KCNN2: variants seen among roughly 807,000 people sequenced by gnomAD.
KCNN2 encodes small conductance calcium-activated potassium channel protein 2.
A neutral mutation model predicts 55.5 loss-of-function variants in KCNN2; 24 were observed. That is an observed-to-expected ratio of 0.43 (90% confidence interval 0.31 to 0.61). The LOEUF is 0.61. Ranked by LOEUF, KCNN2 falls within the 20% of genes least tolerant of loss-of-function variation. The pLI is 0.08. For missense variants in KCNN2, 754 were observed against 853.6 expected (o/e 0.88, Z 1.45); for synonymous variants, 431 against 336.1 (o/e 1.28, Z -3.09).
chr5:114,486,603 A>G (rs1459689821), intron 5 of KCNN2: 1 of 481,308 alleles, frequency 2.1e-6, no homozygotes, highest in Admixed American at 3.5e-5. Context: ...CAGCACTGGA[A>G]ACATGCCCTT....
At chr5:114,245,447 C>T (rs1429976537) in intron 2 of KCNN2, among the ~76,000 whole-genome samples, 1 of 152,164 alleles carries the variant, frequency 6.6e-6, no homozygotes, top group Non-Finnish European at 1.5e-5. Flanking sequence ...ACTGTTGTTA[C>T]TAACAAAGAA....
chr5:114,347,873 T>C (rs549020529), intron 2 of KCNN2, among the ~76,000 whole-genome samples: 1 of 152,298 alleles, frequency 6.6e-6, no homozygotes, highest in African/African-American at 2.4e-5. Context: ...GAGACAATGT[T>C]GAACTATTGG....
intron 3 of KCNN2, among the ~76,000 whole-genome samples, chr5:114,438,255 G>T (rs1760079451): frequency 6.6e-6 from 1 of 152,140 alleles, no homozygotes; most frequent in Non-Finnish European, 1.5e-5. Flanking sequence ...AAGGGAGGTT[G>T]AAAGTTTTAC....
chr5:114,085,156 T>G (rs1055319113), intron 1 of KCNN2, among the ~76,000 whole-genome samples: 16 of 151,960 alleles, frequency 1.1e-4, no homozygotes, highest in African/African-American at 3.4e-4. Context: ...TGTGTGTTCT[T>G]ACACTTTCTT....
In KCNN2 at chr5:114,362,902, G is replaced by A; in HGVS notation, c.763G>A (p.Gly255Ser). The A allele has an allele frequency of 6.3e-7, 1 of 1,593,744 alleles. No homozygotes were observed. The highest frequency in any genetic ancestry group is 8.5e-7 in the Non-Finnish European group (1 of 1,177,466). The stretch of plus-strand genomic sequence containing the variant: ...GCAGCCCCCCGCGTCTGTCGGAGGA[G>A]GTGGCGGCGCGTCCTCCCCGTCTGC... ...PLQPPASVGG[G>S]GGASSPSAAA... is the part of the protein sequence containing the mutation. Residue 255 changes from glycine (G) to serine (S), a missense_variant, in exon 1 of 8, where the codon GGT (glycine) becomes AGT (serine). By Grantham distance (56) the Gly-to-Ser change is moderately conservative (BLOSUM62 0). This residue lies in a region of KCNN2 where 381 missense variants were observed against 259.1 expected (regional missense o/e 1.47). Coordinates refer to ENST00000673685, the MANE Select transcript of KCNN2 (RefSeq NM_021614.4).
chr5:114,092,500 CTCT>C (rs1751165634), intron 1 of KCNN2, among the ~76,000 whole-genome samples: 1 of 152,152 alleles, frequency 6.6e-6, no homozygotes, highest in African/African-American at 2.4e-5. Flanking sequence ...GACAGTGGCC[CTCT>C]TCTTCTCACA....
At chr5:114,366,243 C>G (rs1757595938) in intron 2 of KCNN2, among the ~76,000 whole-genome samples, 1 of 152,136 alleles carries the variant, frequency 6.6e-6, no homozygotes, top group Non-Finnish European at 1.5e-5. Flanking sequence ...TGGAATGACT[C>G]TCCACGGCAA....
intron 2 of KCNN2, among the ~76,000 whole-genome samples, chr5:114,323,665 T>TTTTTTTTTTTTTTTG (rs1756658018): frequency 6.9e-6 from 1 of 145,978 alleles, no homozygotes; most frequent in Admixed American, 7.0e-5. Context: ...TTTTTTTTTT[T>TTTTTTTTTTTTTTTG]TTGCTGGTCG....
chr5:114,196,465 C>G (rs1682228293), intron 1 of KCNN2, among the ~76,000 whole-genome samples: 1 of 151,960 alleles, frequency 6.6e-6, no homozygotes, highest in African/African-American at 2.4e-5. Context: ...TAGTGAAATT[C>G]ACCAACAGGC....
intron 1 of KCNN2, among the ~76,000 whole-genome samples, chr5:114,077,703 A>G (rs1297710497): frequency 6.6e-6 from 1 of 152,132 alleles, no homozygotes; most frequent in Non-Finnish European, 1.5e-5. Context: ...AGGAGTACAG[A>G]ACTGTGCTTT....
intron 2 of KCNN2, among the ~76,000 whole-genome samples, chr5:114,287,668 T>TGAC (rs1755782995): frequency 6.6e-6 from 1 of 151,808 alleles, no homozygotes; most frequent in Non-Finnish European, 1.5e-5. Context: ...AAAACCTAGA[T>TGAC]GACGGGTTGA....
At chr5:114,323,649 AT>A (rs6149185) in intron 2 of KCNN2, among the ~76,000 whole-genome samples, 26,978 of 85,792 alleles carry the variant, frequency 0.31, 5,219 homozygotes, top group African/African-American at 0.49. Flanking sequence ...AAACATATCA[AT>A]TTTTTTTTTT....
At chr5:114,359,727 G>T (rs1413746104), upstream of KCNN2, among the ~76,000 whole-genome samples, 1 of 152,156 alleles carries the variant, frequency 6.6e-6, no homozygotes, top group Non-Finnish European at 1.5e-5. Context: ...ATTTAGATTT[G>T]TAAGGATGAA....
intron 2 of KCNN2, among the ~76,000 whole-genome samples, chr5:114,240,573 A>G (rs539033732): frequency 6.6e-6 from 1 of 152,064 alleles, no homozygotes; most frequent in East Asian, 1.9e-4. Flanking sequence ...CTGGGCTCAC[A>G]GGTGCACGTC....
At chr5:114,266,477 A>T (rs1755209584) in intron 2 of KCNN2, among the ~76,000 whole-genome samples, 2 of 152,172 alleles carry the variant, frequency 1.3e-5, no homozygotes, top group African/African-American at 4.8e-5. Context: ...TCAGACCTAG[A>T]TGCTGGGTAG....
chr5:114,313,746 A>T (rs952671223), intron 2 of KCNN2, among the ~76,000 whole-genome samples: 1 of 152,134 alleles, frequency 6.6e-6, no homozygotes, highest in Non-Finnish European at 1.5e-5. Flanking sequence ...TCCTCTCTTT[A>T]ACTCTGAAGA....
chr5:114,062,652 A>G (rs1186685060), intron 1 of KCNN2, among the ~76,000 whole-genome samples: 2 of 152,194 alleles, frequency 1.3e-5, no homozygotes, highest in Non-Finnish European at 2.9e-5. Flanking sequence ...GAATTAGCAA[A>G]AAGTCTCAAT....
chr5:114,082,974 G>C (rs1750858237), intron 1 of KCNN2, among the ~76,000 whole-genome samples: 1 of 152,122 alleles, frequency 6.6e-6, no homozygotes, highest in Non-Finnish European at 1.5e-5. Flanking sequence ...AGAAGTTATA[G>C]AGATGGATAG....
At chr5:114,101,414 C>CTTT (rs10545440) in intron 1 of KCNN2, among the ~76,000 whole-genome samples, 3 of 130,294 alleles carry the variant, frequency 2.3e-5, no homozygotes, top group African/African-American at 8.3e-5. Flanking sequence ...CTATGGTTTT[C>CTTT]TTTTTTTTTT....
Sources: allele counts gnomAD v4.1 joint callset (sites outside exome capture counted in the v4.1 genomes callset), GRCh38; gene constraint gnomAD v4.1.1; regional missense constraint gnomAD v4.1.1; transcripts MANE v1.5; gene names NCBI Gene and HGNC (gene_info 2026-07-23, HGNC 2026-07-21).